SLC17A6: variants seen among roughly 807,000 people sequenced by gnomAD.
SLC17A6 encodes the protein vesicular glutamate transporter 2.
A neutral mutation model predicts 67.1 loss-of-function variants in SLC17A6; 35 were observed. The observed-to-expected ratio is 0.52, with a 90% CI of 0.40 to 0.69. The LOEUF is 0.69. SLC17A6 is among the 30% of genes least tolerant of loss of function. The probability of loss-of-function intolerance (pLI) is 0.00; values close to 1 mark genes in which losing one functional copy is unlikely to be tolerated. For missense variants in SLC17A6, 588 were observed against 723.9 expected (o/e 0.81, Z 2.15); for synonymous variants, 285 against 252.3 (o/e 1.13, Z -1.23).
intron 8 of SLC17A6, among the ~76,000 whole-genome samples, chr11:22,374,553 G>A (rs1217624525): frequency 2.0e-5 from 3 of 151,750 alleles, no homozygotes; most frequent in African/African-American, 7.3e-5. Flanking sequence ...CCTTCTAAAG[G>A]AATCCAAGTA....
At chr11:22,357,493 A>G (rs1487491341) in intron 3 of SLC17A6, among the ~76,000 whole-genome samples, 1 of 152,214 alleles carries the variant, frequency 6.6e-6, no homozygotes, top group Middle Eastern at 3.2e-3. Flanking sequence ...TCTAGTGAAT[A>G]AATGCCAGAG....
Position 22,362,728 on chromosome 11 carries a change from T to C in SLC17A6, c.662-11T>C. On this transcript the variant is annotated splice_polypyrimidine_tract_variant and intron_variant, in intron 5 of 11. Transcript: ENST00000263160. ...TCACTCACCTTTCTCCCATTCTTCCTTACACTTTAGGTTCCTATGCCGGAG... is the reference window on the plus strand; with the variant it reads ...TCACTCACCTTTCTCCCATTCTTCCCTACACTTTAGGTTCCTATGCCGGAG... The C allele has an allele frequency of 6.2e-7, 1 of 1,610,884 alleles. No homozygotes were observed. The highest frequency in any genetic ancestry group is 1.1e-5 in the South Asian group (1 of 91,012).
intron 3 of SLC17A6, among the ~76,000 whole-genome samples, chr11:22,348,055 T>A (rs1307478102): frequency 6.6e-6 from 1 of 152,186 alleles, no homozygotes; most frequent in African/African-American, 2.4e-5. Flanking sequence ...ACAGAGCTCA[T>A]CTAATCCAAC....
At chr11:22,346,027 A>G (rs1307399681) in intron 3 of SLC17A6, among the ~76,000 whole-genome samples, 2 of 152,190 alleles carry the variant, frequency 1.3e-5, no homozygotes, top group Non-Finnish European at 1.5e-5. Context: ...GTAAAGACAA[A>G]ACAGCAAAAC....
intron 8 of SLC17A6, among the ~76,000 whole-genome samples, chr11:22,371,436 G>A (rs751529848): frequency 2.0e-5 from 3 of 151,872 alleles, no homozygotes; most frequent in Non-Finnish European, 4.4e-5. Context: ...GAGAAGAATG[G>A]CTGCTTTAGA....
intron 3 of SLC17A6, among the ~76,000 whole-genome samples, chr11:22,357,149 A>G (rs879478476): frequency 1.3e-5 from 2 of 152,202 alleles, no homozygotes; most frequent in Non-Finnish European, 2.9e-5. Context: ...CTGGTTAAGC[A>G]CCTGAACTAG....
At position 22,360,443 on chromosome 11, in the gene SLC17A6, C is replaced by A. The variant is rs149776648; in HGVS notation, c.574-454C>A. Among the ~76,000 whole-genome samples the A allele has an allele frequency of 4.6e-3, 689 of 149,566 alleles. 5 individuals carry two copies. Among genetic ancestry groups the A allele is most frequent in the Middle Eastern group, 0.014 (4 of 294 alleles). On this transcript the variant is annotated intron_variant, in intron 4 of 11. Transcript: ENST00000263160. ...CCATGGCACACATTTACCTATGTGA[C>A]AAACCTGCATATCCTGCACATGTAC...
rs187849301 is a variant in SLC17A6 at position 22,369,053 on chromosome 11, G to A, written c.892-986G>A. ...GAATAATTGTTAAATCCACGTGAAA[G>A]GTGTTTGCTTCCTCTTTCAGTAATT... is the stretch of plus-strand genomic sequence containing the variant. On this transcript the variant is annotated intron_variant, in intron 7 of 11. Coordinates refer to ENST00000263160, the MANE Select transcript of SLC17A6 (RefSeq NM_020346.3). Among the ~76,000 whole-genome samples the A allele has an allele frequency of 1.6e-3, 229 of 146,802 alleles. 1 individual carries two copies. The highest frequency in any genetic ancestry group is 5.4e-3 in the African/African-American group (215 of 40,182).
chr11:22,357,392 AG>A (rs1316107203), intron 3 of SLC17A6, among the ~76,000 whole-genome samples: 11 of 152,172 alleles, frequency 7.2e-5, no homozygotes, highest in African/African-American at 2.4e-4. Context: ...AGCTTTACTA[AG>A]GGGGTGATTT....
intron 6 of SLC17A6, among the ~76,000 whole-genome samples, chr11:22,363,501 C>A (rs993592037): frequency 6.6e-6 from 1 of 152,150 alleles, no homozygotes; most frequent in African/African-American, 2.4e-5. Flanking sequence ...AAAGCTGGAT[C>A]CCAACTGATA....
chr11:22,376,126 C>A, intron 10 of SLC17A6, 34 bp downstream of exon 10: 1 of 1,476,424 alleles, frequency 6.8e-7, no homozygotes, highest in Non-Finnish European at 9.4e-7. Flanking sequence ...GTACTTGGGA[C>A]ATTCTGATTT....
rs1564976380 is a variant in SLC17A6 at position 22,339,131 on chromosome 11, TATATATATATG to T, written c.86+513_86+523del. On this transcript the variant is annotated intron_variant, in intron 1 of 11. Transcript: ENST00000263160. Reference sequence around the variant, plus strand: ...ATATATATATGTTATATATATATGTTATATATATATGTTATATATAGTTATATATATATGTT... The same window carrying T: ...ATATATATATGTTATATATATATGTTTTATATATAGTTATATATATATGTT... 3.4e-3 allele frequency among the ~76,000 whole-genome samples: 83 copies of T among 24,286 alleles called. 1 individual carries two copies. Among genetic ancestry groups the T allele is most frequent in the African/African-American group, 6.1e-3 (62 of 10,212 alleles). 15.9% of individuals were successfully genotyped at this position (24,286 alleles called of 152,430 possible). A position where few individuals can be genotyped will look rare whatever the true frequency, so the allele number is the denominator to read the frequency against.
chr11:22,344,907 T>C (rs1195405954), intron 3 of SLC17A6, among the ~76,000 whole-genome samples: 1 of 152,162 alleles, frequency 6.6e-6, no homozygotes, highest in Non-Finnish European at 1.5e-5. Context: ...TAAAAAGTAT[T>C]TCCTAAATTA....
intron 3 of SLC17A6, among the ~76,000 whole-genome samples, chr11:22,346,983 T>C (rs910570670): frequency 4.0e-5 from 6 of 151,780 alleles, no homozygotes; most frequent in Non-Finnish European, 8.8e-5. Flanking sequence ...TAGGTGGTGA[T>C]ATTATTTAAA....
intron 8 of SLC17A6, among the ~76,000 whole-genome samples, chr11:22,372,400 A>G (rs1324871606): frequency 6.6e-6 from 1 of 150,598 alleles, no homozygotes; most frequent in South Asian, 2.1e-4. Flanking sequence ...ACATATATAT[A>G]TATAATTTAA....
rs1467615732 is a variant in SLC17A6 at position 22,377,743 on chromosome 11, A to C, written c.*3A>C. On this transcript the variant is annotated 3_prime_UTR_variant, in exon 12 of 12. Transcript: ENST00000263160. ...AGGACCGAGTTGATTATTCATAACA[A>C]AACTAATTACTGGATTTATTTTTAG... 1.3e-6 allele frequency: 2 copies of C among 1,540,026 alleles called. No individual in the cohort carries two copies. Among genetic ancestry groups the C allele is most frequent in the Non-Finnish European group, 1.7e-6 (2 of 1,143,952 alleles).
chr11:22,340,398 C>A (rs1039084596), intron 1 of SLC17A6, among the ~76,000 whole-genome samples: 1 of 152,192 alleles, frequency 6.6e-6, no homozygotes, highest in African/African-American at 2.4e-5. Context: ...AACACTACCA[C>A]CTTTTAGTAA....
At chr11:22,364,415 A>T (rs562731369) in intron 6 of SLC17A6, among the ~76,000 whole-genome samples, 333 of 152,172 alleles carry the variant, frequency 2.2e-3, no homozygotes, top group African/African-American at 7.7e-3. Flanking sequence ...TTATTATCTC[A>T]TTTTATAGTG....
chr11:22,358,577 G>A (rs1023003209), intron 3 of SLC17A6, among the ~76,000 whole-genome samples: 1 of 152,236 alleles, frequency 6.6e-6, no homozygotes, highest in South Asian at 2.1e-4. Flanking sequence ...TGATCCGCTC[G>A]CCTCGGCCTC....
Sources: gnomAD v4.1 joint callset for allele counts (sites outside exome capture counted in the v4.1 genomes callset) on GRCh38, gnomAD v4.1.1 for gene constraint, MANE v1.5 for transcripts, NCBI Gene and HGNC (gene_info 2026-07-23, HGNC 2026-07-21) for gene names.